The following MAST4 variants were observed in gnomAD, a reference collection of about 807,000 sequenced individuals.
MAST4 encodes microtubule associated serine/threonine kinase family member 4, also known as microtubule-associated serine/threonine-protein kinase 4.
Under a neutral mutation model 162.7 loss-of-function variants are expected in MAST4, and 89 were observed. The ratio of observed to expected loss-of-function variants is 0.55; its 90% CI spans 0.46 to 0.65. The LOEUF (loss-of-function observed/expected upper bound fraction) is 0.65, where lower values mean the gene tolerates loss of function less well. MAST4 is among the 30% of genes least tolerant of loss of function. MAST4 has a pLI of 0.00. For missense variants in MAST4, 3,153 were observed against 3,374.0 expected (o/e 0.93, Z 1.62); for synonymous variants, 1,479 against 1,361.1 (o/e 1.09, Z -1.91).
intron 1 of MAST4, among the ~76,000 whole-genome samples, chr5:66,690,421 T>C (rs903610748): frequency 4.6e-5 from 7 of 152,200 alleles, no homozygotes; most frequent in Admixed American, 3.3e-4. Flanking sequence ...TTGTTTTCAT[T>C]GTCCGGGATT....
At chr5:67,116,180 T>TTTTGTTTGTTTGTTTG (rs57544655) in intron 12 of MAST4, among the ~76,000 whole-genome samples, 23 of 150,764 alleles carry the variant, frequency 1.5e-4, no homozygotes, top group Admixed American at 4.6e-4. Context: ...CTAAGGCTAG[T>TTTTGTTTGTTTGTTTG]TTTGTTTGTT....
chr5:67,164,051 G>A lies in MAST4; in HGVS notation c.4872G>A (p.Arg1624=), dbSNP rs1773561226. ...RASEGAMSDG[R]VPAEHRQGGG... ...GCGAGGGTGCGATGTCGGATGGCCGGGTGCCTGCGGAGCACCGCCAGGGTG... is the reference window on the plus strand; with the variant it reads ...GCGAGGGTGCGATGTCGGATGGCCGAGTGCCTGCGGAGCACCGCCAGGGTG... Residue 1624 remains arginine (R), a synonymous_variant, in exon 29 of 29, where the codon CGG becomes CGA. Coordinates refer to ENST00000403625, the MANE Select transcript of MAST4 (RefSeq NM_001164664.2). This position sits in a 1 kb window ranked among gnomAD's most constrained non-coding sequence, Gnocchi z 5.3. 4 of 1,569,538 alleles carry A rather than the reference G, an allele frequency of 2.5e-6. No individual in the cohort carries two copies. Among genetic ancestry groups the A allele is most frequent in the Admixed American group, 3.7e-5 (2 of 53,746 alleles).
chr5:66,711,467 A>G (rs542620176), intron 1 of MAST4, among the ~76,000 whole-genome samples: 1 of 152,084 alleles, frequency 6.6e-6, no homozygotes, highest in Non-Finnish European at 1.5e-5. Context: ...AAAGCATATA[A>G]TTCCAATATC....
intron 1 of MAST4, among the ~76,000 whole-genome samples, chr5:66,692,630 T>C (rs917661932): frequency 1.3e-5 from 2 of 152,152 alleles, no homozygotes; most frequent in African/African-American, 4.8e-5. Flanking sequence ...TAAATCATTT[T>C]GCTAGGGGTC....
chr5:67,127,145 G>A (rs1003850562), intron 14 of MAST4, among the ~76,000 whole-genome samples: 1 of 152,032 alleles, frequency 6.6e-6, no homozygotes, highest in Admixed American at 6.6e-5. Flanking sequence ...TGAGACGATG[G>A]GATTTTCTAA....
At chr5:66,792,476 T>C (rs1335167002) in intron 3 of MAST4, 1 of 162,248 alleles carries the variant, frequency 6.2e-6, no homozygotes, top group African/African-American at 2.4e-5. Flanking sequence ...CTCAGGACAA[T>C]GCCTTGCACA....
chr5:66,856,070 G>A (rs1258163449), intron 3 of MAST4, among the ~76,000 whole-genome samples: 6 of 152,160 alleles, frequency 3.9e-5, no homozygotes. Context: ...TCAGGTGGGA[G>A]GACTGCTTGA....
intron 14 of MAST4, among the ~76,000 whole-genome samples, chr5:67,126,511 C>T (rs534733540): frequency 1.3e-5 from 2 of 152,250 alleles, no homozygotes; most frequent in African/African-American, 4.8e-5. Context: ...TCCTTTCCCC[C>T]ATTGCTTGTT....
At chr5:67,025,915 C>T (rs1374419067) in intron 4 of MAST4, among the ~76,000 whole-genome samples, 1 of 152,168 alleles carries the variant, frequency 6.6e-6, no homozygotes, top group East Asian at 1.9e-4. Context: ...AGCATCTCAC[C>T]ATTCCTTTGT....
chr5:66,657,776 G>C (rs570889193), intron 1 of MAST4, among the ~76,000 whole-genome samples: 1 of 152,140 alleles, frequency 6.6e-6, no homozygotes, highest in Non-Finnish European at 1.5e-5. Context: ...AGAATGTGCC[G>C]TGGTTACTGA....
At chr5:66,730,671 CT>C (rs993302045) in intron 1 of MAST4, among the ~76,000 whole-genome samples, 5 of 152,110 alleles carry the variant, frequency 3.3e-5, no homozygotes, top group African/African-American at 1.2e-4. Flanking sequence ...TTACAAACAT[CT>C]TTCAAAGTCT....
At chr5:67,051,487 C>T (rs1056151838) in intron 4 of MAST4, among the ~76,000 whole-genome samples, 1 of 152,064 alleles carries the variant, frequency 6.6e-6, no homozygotes, top group Non-Finnish European at 1.5e-5. Context: ...CAGTTCTAAC[C>T]CACTTGAAGT....
intron 3 of MAST4, among the ~76,000 whole-genome samples, chr5:66,814,610 G>A (rs917583161): frequency 6.6e-6 from 1 of 152,160 alleles, no homozygotes; most frequent in African/African-American, 2.4e-5. Context: ...TCCACTAGGT[G>A]GCACATCAGC....
At chr5:66,966,010 G>A (rs930005156) in intron 4 of MAST4, among the ~76,000 whole-genome samples, 1 of 152,170 alleles carries the variant, frequency 6.6e-6, no homozygotes, top group Admixed American at 6.5e-5. Flanking sequence ...ATTAAAATTT[G>A]CAGAGTTCTT....
intron 1 of MAST4, among the ~76,000 whole-genome samples, chr5:66,653,815 C>G (rs2149451056): frequency 6.6e-6 from 1 of 152,268 alleles, no homozygotes; most frequent in South Asian, 2.1e-4. Flanking sequence ...TGCTTGGAAT[C>G]TATACTATAC....
At chr5:66,871,496 T>C (rs1219827731) in intron 3 of MAST4, among the ~76,000 whole-genome samples, 1 of 152,202 alleles carries the variant, frequency 6.6e-6, no homozygotes, top group Non-Finnish European at 1.5e-5. Context: ...TTTTAATAGA[T>C]AGCAGTAGCC....
intron 26 of MAST4, among the ~76,000 whole-genome samples, chr5:67,158,451 A>G (rs1436043007): frequency 6.6e-6 from 1 of 152,134 alleles, no homozygotes; most frequent in African/African-American, 2.4e-5. Flanking sequence ...GTGCTCCCGT[A>G]ATCCCAGCTA....
chr5:66,748,424 C>CCTCTCTCCCTGT (rs1752907989), intron 1 of MAST4, among the ~76,000 whole-genome samples: 1 of 128,334 alleles, frequency 7.8e-6, no homozygotes, highest in Non-Finnish European at 1.7e-5. Context: ...TCCCTTCCTT[C>CCTCTCTCCCTGT]CTCCCTCCCT....
intron 4 of MAST4, among the ~76,000 whole-genome samples, chr5:66,926,390 A>G (rs1392294256): frequency 1.3e-5 from 2 of 152,146 alleles, no homozygotes; most frequent in East Asian, 1.9e-4. Flanking sequence ...TCTACTAAAA[A>G]TACAAAAATT....
Sources: gnomAD v4.1 joint callset for allele counts (sites outside exome capture counted in the v4.1 genomes callset) on GRCh38, gnomAD v4.1.1 for gene constraint, Gnocchi (gnomAD v3.1) non-coding constraint, MANE v1.5 for transcripts, NCBI Gene and HGNC (gene_info 2026-07-23, HGNC 2026-07-21) for gene names.